NOL4: variants seen among roughly 807,000 people sequenced by gnomAD.
NOL4 encodes the protein nucleolar protein 4, also known as cancer/testis antigen 125.
A neutral mutation model predicts 75.9 loss-of-function variants in NOL4; 17 were observed. The observed-to-expected ratio is 0.22, with a 90% CI of 0.15 to 0.34. NOL4 has a LOEUF of 0.34. Ranked by LOEUF, NOL4 falls within the 10% of genes least tolerant of loss-of-function variation. NOL4 has a pLI of 1.00. For synonymous variants in NOL4, 292 were observed against 289.9 expected, an observed-to-expected ratio of 1.01 and a Z score of -0.07; for missense variants, 614 against 793.5, an observed-to-expected ratio of 0.77 and a Z score of 2.72.
intron 1 of NOL4, among the ~76,000 whole-genome samples, chr18:34,146,936 T>C (rs1006256069): frequency 1.3e-5 from 2 of 152,276 alleles, no homozygotes; most frequent in African/African-American, 4.8e-5. Context: ...GTCCTTCACA[T>C]CCCTTGTAAG....
chr18:33,874,070 G>A (rs974401433), intron 10 of NOL4, among the ~76,000 whole-genome samples: 1 of 151,954 alleles, frequency 6.6e-6, no homozygotes, highest in African/African-American at 2.4e-5. Context: ...TCATGGTAGA[G>A]AACTGGATAC....
intron 2 of NOL4, among the ~76,000 whole-genome samples, chr18:34,122,838 T>A (rs777848492): frequency 1.2e-4 from 19 of 152,060 alleles, no homozygotes; most frequent in Non-Finnish European, 2.1e-4. Flanking sequence ...TTTTACACTA[T>A]CAGAGTAGCA....
At chr18:34,199,673 T>C (rs1358504818) in intron 1 of NOL4, among the ~76,000 whole-genome samples, 1 of 151,880 alleles carries the variant, frequency 6.6e-6, no homozygotes, top group African/African-American at 2.4e-5. Context: ...TAGAAATCAG[T>C]GGCATAGCTC....
intron 2 of NOL4, among the ~76,000 whole-genome samples, chr18:34,111,144 ATAAACT>A (rs1218718963): frequency 1.3e-5 from 2 of 152,194 alleles, no homozygotes; most frequent in Non-Finnish European, 2.9e-5. Context: ...TTATACAAAA[ATAAACT>A]TAAAATGGAT....
chr18:34,017,417 G>A (rs926444048), intron 6 of NOL4, among the ~76,000 whole-genome samples: 4 of 152,060 alleles, frequency 2.6e-5, no homozygotes, highest in Non-Finnish European at 4.4e-5. Context: ...ATAGTGAAAT[G>A]ATTACTCCAG....
At chr18:33,975,681 A>T (rs2071438028) in intron 6 of NOL4, among the ~76,000 whole-genome samples, 1 of 152,214 alleles carries the variant, frequency 6.6e-6, no homozygotes, top group Non-Finnish European at 1.5e-5. Flanking sequence ...AGGCTGAGGC[A>T]GGAGAATTGC....
intron 5 of NOL4, among the ~76,000 whole-genome samples, chr18:34,072,996 T>C (rs2077587766): frequency 6.6e-6 from 1 of 151,716 alleles, no homozygotes; most frequent in South Asian, 2.1e-4. Context: ...CTATGAGGAG[T>C]TTAAAACTAA....
At chr18:34,107,986 C>A (rs1031289150) in intron 2 of NOL4, among the ~76,000 whole-genome samples, 1 of 152,106 alleles carries the variant, frequency 6.6e-6, no homozygotes, top group African/African-American at 2.4e-5. Flanking sequence ...ACCCATGCAG[C>A]ACAACTTGGA....
rs1463256396 is a variant in NOL4, at chr18:34,129,883, T to C, written c.402A>G (p.Arg134=). Residue 134 remains arginine (R), a synonymous_variant, in exon 2 of 11, where the codon AGA becomes AGG. Transcript: ENST00000261592. ...EQIRKHAGQK[R]TYKAISESYA... is the part of the protein sequence containing the mutation. ...TTTTTTAACTTACTGCTTTGTAAGT[T>C]CTCTTTTGTCCAGCGTGTTTCCGAA... 6.3e-7 allele frequency: 1 copy of C among 1,578,446 alleles called. No homozygotes were observed. The highest frequency in any genetic ancestry group is 1.2e-5 in the South Asian group (1 of 83,778).
chr18:33,857,939 A>G (rs1031665544), intron 10 of NOL4, among the ~76,000 whole-genome samples: 32 of 152,006 alleles, frequency 2.1e-4, no homozygotes, highest in African/African-American at 7.2e-4. Context: ...AAATATTCTC[A>G]CCTATAGGTG....
At chr18:33,918,579 C>T (rs760016201) in intron 9 of NOL4, among the ~76,000 whole-genome samples, 3 of 152,060 alleles carry the variant, frequency 2.0e-5, no homozygotes, top group Non-Finnish European at 2.9e-5. Flanking sequence ...ACTAAAGAAA[C>T]GTGTAAAGGA....
At chr18:34,165,083 G>A in intron 1 of NOL4, among the ~76,000 whole-genome samples, 9 of 130,662 alleles carry the variant, frequency 6.9e-5, no homozygotes, top group South Asian at 2.5e-4. Context: ...ACACTCTGGG[G>A]ACTGTTGTGG....
intron 1 of NOL4, among the ~76,000 whole-genome samples, chr18:34,173,453 A>C: frequency 6.6e-6 from 1 of 152,144 alleles, no homozygotes; most frequent in Non-Finnish European, 1.5e-5. Flanking sequence ...TAACTTGACT[A>C]TACACTTGTG....
chr18:33,921,234 T>G (rs1467910101), intron 9 of NOL4, among the ~76,000 whole-genome samples: 1 of 152,140 alleles, frequency 6.6e-6, no homozygotes, highest in Non-Finnish European at 1.5e-5. Context: ...TTGAGATGAT[T>G]TAAAGACAAT....
intron 1 of NOL4, among the ~76,000 whole-genome samples, chr18:34,159,826 TGCC>T (rs1046908162): frequency 2.0e-5 from 3 of 152,040 alleles, no homozygotes; most frequent in Non-Finnish European, 2.9e-5. Context: ...CAGAAAAGGT[TGCC>T]CGCTCAGACA....
chr18:34,141,021 C>T (rs557651258), intron 1 of NOL4, among the ~76,000 whole-genome samples: 4 of 152,268 alleles, frequency 2.6e-5, no homozygotes, highest in Non-Finnish European at 5.9e-5. Context: ...AAATCACAAG[C>T]ATTCTTATAC....
intron 1 of NOL4, among the ~76,000 whole-genome samples, chr18:34,139,711 C>G (rs920596219): frequency 1.3e-5 from 2 of 152,006 alleles, no homozygotes; most frequent in African/African-American, 4.8e-5. Flanking sequence ...TATTTGTTGC[C>G]TTCTGCTAGC....
intron 8 of NOL4, among the ~76,000 whole-genome samples, chr18:33,952,255 G>T (rs1236275057): frequency 6.6e-6 from 1 of 151,984 alleles, no homozygotes; most frequent in Non-Finnish European, 1.5e-5. Flanking sequence ...AAATATATTG[G>T]CTATATTCTT....
intron 9 of NOL4, among the ~76,000 whole-genome samples, chr18:33,936,763 TCACA>T (rs1310909033): frequency 3.3e-5 from 5 of 152,078 alleles, no homozygotes; most frequent in African/African-American, 1.2e-4. Context: ...AAGGAAACCC[TCACA>T]TTCTCCAGAA....
Sources: gnomAD v4.1 joint callset for allele counts (sites outside exome capture counted in the v4.1 genomes callset) on GRCh38, gnomAD v4.1.1 for gene constraint, MANE v1.5 for transcripts, NCBI Gene and HGNC (gene_info 2026-07-23, HGNC 2026-07-21) for gene names.